The following RECK variants were observed in gnomAD, a reference collection of about 807,000 sequenced individuals.
RECK encodes the protein reversion-inducing cysteine-rich protein with Kazal motifs.
In RECK, 69 loss-of-function variants were observed where a neutral mutation model predicts 115.1. The ratio of observed to expected loss-of-function variants is 0.60; its 90% CI spans 0.49 to 0.73. The LOEUF is 0.73. RECK is among the 30% of genes least tolerant of loss of function. The pLI is 0.00. For missense variants in RECK, 1,047 were observed against 1,203.7 expected (o/e 0.87, Z 1.93); for synonymous variants, 414 against 419.7 (o/e 0.99, Z 0.17).
Position 36,094,958 on chromosome 9 carries a change from G to C in RECK, c.1085+3615G>C, listed in dbSNP as rs1025855111. The stretch of plus-strand genomic sequence containing the variant: ...AAGCAAGTCTCAACCGCTGTCAGAA[G>C]ATGAAAATCATAAAAAGTATATTTT... On this transcript the variant is annotated intron_variant, in intron 10 of 20. Transcript: ENST00000377966. The surrounding 1 kb of genome is among the most constrained non-coding windows in gnomAD (Gnocchi z 4.1). 1.3e-5 allele frequency among the ~76,000 whole-genome samples: 2 copies of C among 152,132 alleles called. No homozygotes were observed. The highest frequency in any genetic ancestry group is 2.4e-5 in the African/African-American group (1 of 41,424).
At chr9:36,102,892 CT>C (rs35413817) in intron 12 of RECK, among the ~76,000 whole-genome samples, 13,907 of 150,872 alleles carry the variant, frequency 0.092, 774 homozygotes, top group East Asian at 0.29. Flanking sequence ...GGAGGCAGAG[CT>C]TGCAGTGAGC....
chr9:36,115,074 G>A (rs1824207949), intron 16 of RECK, among the ~76,000 whole-genome samples: 1 of 152,068 alleles, frequency 6.6e-6, no homozygotes, highest in South Asian at 2.1e-4. Flanking sequence ...CAGCACTTTG[G>A]GAGGCAGAGG....
intron 14 of RECK, among the ~76,000 whole-genome samples, 178 bp from the exon 15 acceptor site, chr9:36,109,779 G>A (rs908665587): frequency 1.3e-5 from 2 of 152,052 alleles, no homozygotes; most frequent in African/African-American, 4.8e-5. Context: ...GGGAAGCGGA[G>A]GTTGCAGTGA....
intron 10 of RECK, among the ~76,000 whole-genome samples, 183 bp downstream of exon 10, chr9:36,091,526 T>G (rs958383044): frequency 6.6e-6 from 1 of 152,174 alleles, no homozygotes; most frequent in Admixed American, 6.5e-5. Context: ...TATTACAAAG[T>G]CCCTTCCAAT....
intron 10 of RECK, among the ~76,000 whole-genome samples, chr9:36,092,814 C>G (rs1293746770): frequency 6.6e-6 from 1 of 151,690 alleles, no homozygotes; most frequent in Non-Finnish European, 1.5e-5. Flanking sequence ...GCAGTCTTGG[C>G]CTAAGGAGTG....
In RECK at chr9:36,123,466, C is replaced by G. The variant is rs1159318662; in HGVS notation, c.*421C>G. ...GTTCCCGTTGCATTTGTTTTGTTTA[C>G]AGATAATTACCTACTCTGGCTAGAA... On this transcript the variant is annotated 3_prime_UTR_variant, in exon 21 of 21. Transcript: ENST00000377966. 1 of 155,932 alleles carries G rather than the reference C, an allele frequency of 6.4e-6. No homozygotes were observed. Among genetic ancestry groups the G allele is most frequent in the Non-Finnish European group, 1.4e-5 (1 of 70,702 alleles). The allele number at this position is 155,932 out of a possible 1,614,324, so 9.7% of individuals were successfully genotyped here.
intron 10 of RECK, among the ~76,000 whole-genome samples, chr9:36,095,343 A>T (rs1354123042): frequency 2.0e-5 from 3 of 152,374 alleles, no homozygotes; most frequent in East Asian, 3.9e-4. Context: ...TGAATTTGTA[A>T]TTATAAATCT....
chr9:36,108,957 T>C (rs1367527805), intron 14 of RECK, among the ~76,000 whole-genome samples: 4 of 152,024 alleles, frequency 2.6e-5, no homozygotes, highest in African/African-American at 9.7e-5. Flanking sequence ...TCAACCATAG[T>C]AGTTCAGCTT....
At chr9:36,112,168 GT>G (rs1824077361) in intron 15 of RECK, 136 bp from the exon 16 acceptor site, 3 of 622,828 alleles carry the variant, frequency 4.8e-6, no homozygotes, top group Admixed American at 3.2e-5. Flanking sequence ...CGGAGAGAAG[GT>G]TTTTCCTGAC....
chr9:36,097,490 C>T (rs368001422), intron 10 of RECK, among the ~76,000 whole-genome samples: 14 of 152,194 alleles, frequency 9.2e-5, no homozygotes, highest in South Asian at 2.1e-4. Flanking sequence ...TATCCCTTCA[C>T]GTGTTAAAAT....
chr9:36,088,701 CA>C (rs1295970605), intron 9 of RECK, among the ~76,000 whole-genome samples: 1 of 152,198 alleles, frequency 6.6e-6, no homozygotes, highest in East Asian at 1.9e-4. Flanking sequence ...TGGTAATTGT[CA>C]ATCAAACTTT....
intron 7 of RECK, 67 bp from the exon 8 acceptor site, chr9:36,083,298 A>G: frequency 1.4e-6 from 2 of 1,452,134 alleles, no homozygotes; most frequent in South Asian, 1.2e-5. Flanking sequence ...TTCCATCATT[A>G]TGATGATGAT....
chr9:36,050,544 T>TG (rs1821245945), intron 1 of RECK, among the ~76,000 whole-genome samples: 1 of 152,184 alleles, frequency 6.6e-6, no homozygotes, highest in South Asian at 2.1e-4. Flanking sequence ...CTTACTCCTG[T>TG]GTATTATATT....
chr9:36,075,252 G>A (rs1456004500), intron 6 of RECK, among the ~76,000 whole-genome samples: 2 of 152,230 alleles, frequency 1.3e-5, no homozygotes, highest in African/African-American at 2.4e-5. Flanking sequence ...ACTGTAGTCA[G>A]TTCACCACAA....
chr9:36,104,308 ATATATATATATATATATATTTTTTTTTTT>A (rs1823689709), intron 12 of RECK, among the ~76,000 whole-genome samples: 1 of 57,460 alleles, frequency 1.7e-5, no homozygotes, highest in East Asian at 5.7e-4. Flanking sequence ...ATATATATAT[ATATATATATATATATATATTTTTTTTTTT>A]TTTTTTTTTT....
In RECK at chr9:36,094,162, T is replaced by C. The variant is rs1261416055; in HGVS notation, c.1085+2819T>C. Among the ~76,000 whole-genome samples the C allele has an allele frequency of 6.6e-6, 1 of 152,104 alleles. No homozygotes were observed. Among genetic ancestry groups the C allele is most frequent in the Non-Finnish European group, 1.5e-5 (1 of 67,994 alleles). On this transcript the variant is annotated intron_variant, in intron 10 of 20. Transcript: ENST00000377966. The surrounding 1 kb of genome is among the most constrained non-coding windows in gnomAD (Gnocchi z 4.1). ...TATAGAGCACTGGGATTGGTAAATG[T>C]TGGTAAACATGAAAAATATTTTTTC...
At chr9:36,047,462 C>T (rs186564094) in intron 1 of RECK, among the ~76,000 whole-genome samples, 4 of 152,088 alleles carry the variant, frequency 2.6e-5, no homozygotes, top group Admixed American at 1.3e-4. Flanking sequence ...TACAATTAGC[C>T]GGGCATGGTG....
chr9:36,118,336 C>G (rs1030635483), intron 17 of RECK, among the ~76,000 whole-genome samples: 2 of 152,158 alleles, frequency 1.3e-5, no homozygotes. Flanking sequence ...CACTGCTCCC[C>G]CAACTCCTCC....
chr9:36,044,142 C>T (rs1830821), intron 1 of RECK, among the ~76,000 whole-genome samples: 23,644 of 151,908 alleles, frequency 0.16, 3,718 homozygotes, highest in African/African-American at 0.39. Flanking sequence ...CTGTAATTTC[C>T]TTCAGCAGTG....
Sources: allele counts gnomAD v4.1 joint callset (sites outside exome capture counted in the v4.1 genomes callset), GRCh38; gene constraint gnomAD v4.1.1; non-coding constraint Gnocchi (gnomAD v3.1); transcripts MANE v1.5; gene names NCBI Gene and HGNC (gene_info 2026-07-23, HGNC 2026-07-21).